The following SHROOM3 variants were observed in gnomAD, a reference collection of about 807,000 sequenced individuals.
SHROOM3 encodes the protein protein Shroom3.
In SHROOM3, 47 loss-of-function variants were observed where a neutral mutation model predicts 138.6. That is an observed-to-expected ratio of 0.34 (90% CI 0.27 to 0.43). SHROOM3 has a LOEUF of 0.43. Among genes scored for constraint, SHROOM3 ranks in the 20% least tolerant of loss-of-function variants. SHROOM3 has a pLI of 1.00. For missense variants in SHROOM3, 2,491 were observed against 2,596.5 expected (o/e 0.96, Z 0.88); for synonymous variants, 1,062 against 1,063.3 (o/e 1.00, Z 0.02).
At chr4:76,754,190 G>A in intron 6 of SHROOM3, 121 bp from the exon 7 acceptor site, 1 of 1,300,396 alleles carries the variant, frequency 7.7e-7, no homozygotes, top group Non-Finnish European at 1.1e-6. Context: ...GCAGTTTCTG[G>A]GGGAAGGAAA....
intron 9 of SHROOM3, among the ~76,000 whole-genome samples, chr4:76,765,369 T>A (rs938020616): frequency 1.3e-5 from 2 of 149,924 alleles, no homozygotes; most frequent in South Asian, 2.1e-4. Flanking sequence ...AAAAAAAAAA[T>A]TAGCCAAGTG....
chr4:76,778,696 A>G lies in SHROOM3; in HGVS notation c.5623-113A>G, dbSNP rs1450007367. 6.3e-6 allele frequency: 9 copies of G among 1,437,340 alleles called. No individual in the cohort carries two copies. The African/African-American group carries it at 7.0e-5, about 11-fold the overall frequency. 89.0% of individuals were successfully genotyped at this position (1,437,340 alleles called of 1,614,324 possible). A position where few individuals can be genotyped will look rare whatever the true frequency, so the allele number is the denominator to read the frequency against. On this transcript the variant is annotated intron_variant, in intron 10 of 10. Coordinates refer to ENST00000296043, the MANE Select transcript of SHROOM3 (RefSeq NM_020859.4). ...TTAGCCTCCTTACTTAGGAGTGACAATAGGAATAGAGCTTAGATATTTCCC... is the reference window on the plus strand; with the variant it reads ...TTAGCCTCCTTACTTAGGAGTGACAGTAGGAATAGAGCTTAGATATTTCCC...
chr4:76,690,652 C>T (rs1336796506), intron 2 of SHROOM3, among the ~76,000 whole-genome samples: 1 of 152,162 alleles, frequency 6.6e-6, no homozygotes, highest in Non-Finnish European at 1.5e-5. Context: ...AAAAATTTCA[C>T]CAGAAGTTGG....
intron 10 of SHROOM3, among the ~76,000 whole-genome samples, chr4:76,775,439 T>C (rs1722520834): frequency 6.6e-6 from 1 of 152,042 alleles, no homozygotes; most frequent in Non-Finnish European, 1.5e-5. Context: ...ACTTTTACAC[T>C]GCTGGTGGGA....
chr4:76,675,341 A>G (rs1019836018), intron 2 of SHROOM3, among the ~76,000 whole-genome samples: 5 of 152,230 alleles, frequency 3.3e-5, no homozygotes, highest in African/African-American at 7.2e-5. Context: ...GTTCTCACTC[A>G]TTAATTCATG....
chr4:76,535,515 A>G (rs1042369781), intron 1 of SHROOM3, among the ~76,000 whole-genome samples: 15 of 152,240 alleles, frequency 9.9e-5, no homozygotes, highest in Admixed American at 2.0e-4. Context: ...GATCTTGATG[A>G]CAATAATAAT....
At chr4:76,584,937 C>A (rs889528835) in intron 2 of SHROOM3, among the ~76,000 whole-genome samples, 3 of 152,090 alleles carry the variant, frequency 2.0e-5, no homozygotes, top group African/African-American at 7.2e-5. Context: ...TGATTCTGTG[C>A]CCCACCCCAT....
At chr4:76,561,311 A>C (rs1010376661) in intron 2 of SHROOM3, among the ~76,000 whole-genome samples, 1 of 152,160 alleles carries the variant, frequency 6.6e-6, no homozygotes, top group Non-Finnish European at 1.5e-5. Context: ...GGTAGATCAC[A>C]TTTTGCTGGG....
At chr4:76,564,991 C>A (rs944771404) in intron 2 of SHROOM3, among the ~76,000 whole-genome samples, 6 of 151,916 alleles carry the variant, frequency 3.9e-5, no homozygotes, top group Admixed American at 6.6e-5. Context: ...GAAACCCCAT[C>A]TCTACTAAAG....
At chr4:76,439,550 C>A (rs1199677440) in intron 1 of SHROOM3, among the ~76,000 whole-genome samples, 1 of 152,036 alleles carries the variant, frequency 6.6e-6, no homozygotes, top group Non-Finnish European at 1.5e-5. Flanking sequence ...GGTGGCTGAT[C>A]ATGCGTATAC....
rs1302435004 is a variant in SHROOM3, at chr4:76,741,105, T to G, written c.2932T>G (p.Ser978Ala). Residue 978 changes from serine (S) to alanine (A), a missense_variant, in exon 5 of 11, where the codon TCC (serine) becomes GCC (alanine). Transcript: ENST00000296043. This position sits in a 1 kb window ranked among gnomAD's most constrained non-coding sequence, Gnocchi z 6.2. ...LRSPEASASASPHTPRERHSV... is the reference protein window; with the variant it reads ...LRSPEASASAAPHTPRERHSV... ...GAGCCCCGAGGCGTCGGCCTCCGCC[T>G]CCCCGCACACGCCCCGGGAGCGGCA... 6.5e-7 allele frequency: 1 copy of G among 1,548,410 alleles called. No homozygotes were observed. Among genetic ancestry groups the G allele is most frequent in the South Asian group, 1.2e-5 (1 of 84,120 alleles).
intron 4 of SHROOM3, among the ~76,000 whole-genome samples, chr4:76,735,904 T>TA (rs1560606354): frequency 3.0e-5 from 4 of 132,334 alleles, no homozygotes; most frequent in South Asian, 2.7e-4. Flanking sequence ...TATATATATA[T>TA]TTTAGTGATG....
chr4:76,516,363 A>G (rs1732445148), intron 1 of SHROOM3, among the ~76,000 whole-genome samples: 1 of 152,152 alleles, frequency 6.6e-6, no homozygotes, highest in African/African-American at 2.4e-5. Flanking sequence ...AGTCCAAATC[A>G]TGCCATGTCC....
chr4:76,625,797 T>C (rs1353376648), intron 2 of SHROOM3, among the ~76,000 whole-genome samples: 1 of 152,338 alleles, frequency 6.6e-6, no homozygotes, highest in East Asian at 1.9e-4. Flanking sequence ...TCTACCCCTA[T>C]AACTAACCAT....
chr4:76,538,400 C>A (rs1733026714), intron 1 of SHROOM3, among the ~76,000 whole-genome samples: 1 of 152,048 alleles, frequency 6.6e-6, no homozygotes, highest in Non-Finnish European at 1.5e-5. Flanking sequence ...GAGGAGGAGT[C>A]AAGGAAGACA....
intron 2 of SHROOM3, among the ~76,000 whole-genome samples, chr4:76,648,035 A>G (rs868232828): frequency 3.3e-5 from 5 of 152,204 alleles, no homozygotes; most frequent in African/African-American, 1.2e-4. Context: ...TTGTGTAAAA[A>G]TAACAATGCT....
chr4:76,584,624 A>G (rs999670212), intron 2 of SHROOM3, among the ~76,000 whole-genome samples: 4 of 152,190 alleles, frequency 2.6e-5, no homozygotes, highest in East Asian at 3.8e-4. Flanking sequence ...AACGTCAAAC[A>G]TGACCATTCG....
In SHROOM3 at chr4:76,450,745, G is replaced by A. The variant is rs867815104; in HGVS notation, c.168+14525G>A. Among the ~76,000 whole-genome samples, 4 of 152,078 alleles carry A rather than the reference G, an allele frequency of 2.6e-5. No individual in the cohort carries two copies. The South Asian group carries it at 8.3e-4, about 32-fold the overall frequency. ...AGAGAGTGACTATAAATGGGTACAA[G>A]GTTTCTTTTTGAAATAATGGAAATG... On this transcript the variant is annotated intron_variant, in intron 1 of 10. Coordinates refer to ENST00000296043, the MANE Select transcript of SHROOM3 (RefSeq NM_020859.4).
chr4:76,713,112 G>A (rs866941590), intron 3 of SHROOM3, among the ~76,000 whole-genome samples: 2 of 152,272 alleles, frequency 1.3e-5, no homozygotes, highest in African/African-American at 2.4e-5. Context: ...CGTGAAGGCC[G>A]GTACTGTGCA....
Sources: allele counts gnomAD v4.1 joint callset (sites outside exome capture counted in the v4.1 genomes callset), GRCh38; gene constraint gnomAD v4.1.1; non-coding constraint Gnocchi (gnomAD v3.1); transcripts MANE v1.5; gene names NCBI Gene and HGNC (gene_info 2026-07-23, HGNC 2026-07-21).